The following CNTNAP4 variants were observed in gnomAD, a reference collection of about 807,000 sequenced individuals.
CNTNAP4 encodes contactin-associated protein-like 4.
Under a neutral mutation model 148.4 loss-of-function variants are expected in CNTNAP4, and 98 were observed. The observed-to-expected ratio is 0.66, with a 90% confidence interval of 0.56 to 0.78. The LOEUF (loss-of-function observed/expected upper bound fraction) is 0.78, where lower values mean the gene tolerates loss of function less well. CNTNAP4 is among the 30% of genes least tolerant of loss of function. The probability of loss-of-function intolerance (pLI) is 0.00; values close to 1 mark genes in which losing one functional copy is unlikely to be tolerated. For synonymous variants in CNTNAP4, 730 were observed against 565.1 expected, an observed-to-expected ratio of 1.29 and a Z score of -4.14; for missense variants, 1,935 against 1,565.6, an observed-to-expected ratio of 1.24 and a Z score of -3.98.
At chr16:76,358,074 C>A (rs2012920814) in intron 3 of CNTNAP4, among the ~76,000 whole-genome samples, 1 of 152,200 alleles carries the variant, frequency 6.6e-6, no homozygotes, top group Non-Finnish European at 1.5e-5. Flanking sequence ...TGGCTCACAT[C>A]TGTAATCCCA....
intron 21 of CNTNAP4, among the ~76,000 whole-genome samples, chr16:76,552,771 A>G (rs1489494543): frequency 6.6e-5 from 10 of 152,202 alleles, no homozygotes; most frequent in Admixed American, 5.2e-4. Flanking sequence ...GGGTGGGGCC[A>G]TAAAATATCA....
At chr16:76,447,076 G>A (rs1329997288) in intron 4 of CNTNAP4, among the ~76,000 whole-genome samples, 5 of 152,112 alleles carry the variant, frequency 3.3e-5, no homozygotes, top group African/African-American at 4.8e-5. Context: ...GGGTGGCTGA[G>A]GTAGGCAGAT....
chr16:76,388,705 C>G (rs763715916), intron 3 of CNTNAP4, among the ~76,000 whole-genome samples: 1 of 152,042 alleles, frequency 6.6e-6, no homozygotes, highest in South Asian at 2.1e-4. Context: ...AGGAAATGTT[C>G]TAGACATTTT....
chr16:76,514,143 G>T (rs926823464), intron 15 of CNTNAP4, among the ~76,000 whole-genome samples: 3 of 152,090 alleles, frequency 2.0e-5, no homozygotes, highest in African/African-American at 7.2e-5. Flanking sequence ...AGGATGTTAC[G>T]CTTGGGAGGC....
At chr16:76,501,750 A>G (rs2082653634) in intron 15 of CNTNAP4, among the ~76,000 whole-genome samples, 1 of 152,130 alleles carries the variant, frequency 6.6e-6, no homozygotes. Context: ...GACCATGGGA[A>G]TACAGAGGGG....
chr16:76,455,814 A>C (rs145131198), intron 8 of CNTNAP4, among the ~76,000 whole-genome samples: 1 of 152,194 alleles, frequency 6.6e-6, no homozygotes, highest in African/African-American at 2.4e-5. Context: ...TTTTTTTCTT[A>C]TACATTGTGC....
chr16:76,493,940 T>G (rs2082314016), intron 13 of CNTNAP4, among the ~76,000 whole-genome samples: 1 of 152,164 alleles, frequency 6.6e-6, no homozygotes, highest in African/African-American at 2.4e-5. Flanking sequence ...AATCCCAGAT[T>G]CTCAGTAGGG....
At chr16:76,490,770 G>A (rs2082189294) in intron 13 of CNTNAP4, among the ~76,000 whole-genome samples, 1 of 152,038 alleles carries the variant, frequency 6.6e-6, no homozygotes, top group South Asian at 2.1e-4. Context: ...CGTATTCTGT[G>A]TCCACCCTGC....
At chr16:76,474,397 C>A (rs527983293) in intron 10 of CNTNAP4, among the ~76,000 whole-genome samples, 1 of 152,052 alleles carries the variant, frequency 6.6e-6, no homozygotes, top group East Asian at 1.9e-4. Flanking sequence ...GCCTGTAGTC[C>A]GCAAGAAACC....
chr16:76,523,230 C>G (rs1163251239), intron 17 of CNTNAP4, among the ~76,000 whole-genome samples: 1 of 145,524 alleles, frequency 6.9e-6, no homozygotes, highest in African/African-American at 2.6e-5. Context: ...ACATTGAACA[C>G]TCCCCCGGCC....
At chr16:76,357,383 C>G (rs946912602) in intron 3 of CNTNAP4, among the ~76,000 whole-genome samples, 3 of 152,076 alleles carry the variant, frequency 2.0e-5, no homozygotes, top group African/African-American at 7.2e-5. Flanking sequence ...AAAGCCAAAC[C>G]CAGGCACTGC....
chr16:76,344,381 G>A (rs934875316), intron 2 of CNTNAP4, among the ~76,000 whole-genome samples: 8 of 152,086 alleles, frequency 5.3e-5, no homozygotes, highest in African/African-American at 1.7e-4. Flanking sequence ...TATCTATACA[G>A]GCAAACAGCA....
chr16:76,286,681 C>A (rs1264245360), intron 1 of CNTNAP4, among the ~76,000 whole-genome samples: 3 of 152,046 alleles, frequency 2.0e-5, no homozygotes, highest in African/African-American at 7.2e-5. Context: ...ATACGGGTGG[C>A]AAGAGAAGGG....
chr16:76,409,990 T>C (rs1177793142), intron 3 of CNTNAP4, among the ~76,000 whole-genome samples: 1 of 151,918 alleles, frequency 6.6e-6, no homozygotes, highest in Non-Finnish European at 1.5e-5. Context: ...ACTTTGGAAG[T>C]AAGTATTCTT....
chr16:76,552,622 C>A (rs2085003929), intron 21 of CNTNAP4, among the ~76,000 whole-genome samples: 1 of 152,086 alleles, frequency 6.6e-6, no homozygotes, highest in African/African-American at 2.4e-5. Context: ...GTCCCAGTGA[C>A]AAGTTGTCAT....
Position 76,476,007 on chromosome 16 carries a change from G to A in CNTNAP4, c.1724G>A (p.Cys575Tyr), listed in dbSNP as rs759095651. 4 of 1,613,558 alleles carry A rather than the reference G, an allele frequency of 2.5e-6. No homozygotes were observed. The East Asian group carries it at 6.7e-5, about 27-fold the overall frequency. Residue 575 changes from cysteine to tyrosine, a missense_variant, in exon 11 of 24, where the codon TGT becomes TAT. Transcript: ENST00000611870. ...SQSWSTFHCN[C>Y]TNTGYRGATC... ...TCCTGGAGCACCTTTCATTGTAACT[G>A]TACCAACACTGGTTACAGAGGAGCT...
At chr16:76,298,527 TGTGA>T (rs1259026477) in intron 1 of CNTNAP4, among the ~76,000 whole-genome samples, 127 of 130,672 alleles carry the variant, frequency 9.7e-4, no homozygotes, top group African/African-American at 2.7e-3. Context: ...TGTGTGTGTG[TGTGA>T]GGTAAGGGGC....
intron 3 of CNTNAP4, among the ~76,000 whole-genome samples, chr16:76,399,920 G>C (rs1242390223): frequency 6.6e-6 from 1 of 152,134 alleles, no homozygotes; most frequent in Non-Finnish European, 1.5e-5. Context: ...AGTACATGTT[G>C]CTGGGGTAAT....
intron 2 of CNTNAP4, among the ~76,000 whole-genome samples, chr16:76,319,085 G>A (rs1197252328): frequency 6.6e-6 from 1 of 151,814 alleles, no homozygotes; most frequent in African/African-American, 2.4e-5. Context: ...AATGAGGGAA[G>A]GGGATCAAAA....
Sources: allele counts gnomAD v4.1 joint callset (sites outside exome capture counted in the v4.1 genomes callset), GRCh38; gene constraint gnomAD v4.1.1; transcripts MANE v1.5; gene names NCBI Gene and HGNC (gene_info 2026-07-23, HGNC 2026-07-21).